RPS6KB1: variants seen among roughly 807,000 people sequenced by gnomAD.
RPS6KB1 encodes ribosomal protein S6 kinase B1, also known as ribosomal protein S6 kinase beta-1.
Under a neutral mutation model 70.2 loss-of-function variants are expected in RPS6KB1, and 12 were observed. The observed-to-expected ratio is 0.17, with a 90% CI of 0.11 to 0.28. RPS6KB1 has a LOEUF of 0.28. RPS6KB1 is among the 10% of genes least tolerant of loss of function. The probability of loss-of-function intolerance (pLI) is 1.00; values close to 1 mark genes in which losing one functional copy is unlikely to be tolerated. For missense variants in RPS6KB1, 270 were observed against 646.6 expected, an observed-to-expected ratio of 0.42 and a Z score of 6.32; for synonymous variants, 175 against 211.2, an observed-to-expected ratio of 0.83 and a Z score of 1.49.
Position 59,893,162 on chromosome 17 carries a change from GT to G in RPS6KB1, c.-22del. On this transcript the variant is annotated 5_prime_UTR_variant, in exon 1 of 15. Coordinates refer to ENST00000225577, the MANE Select transcript of RPS6KB1 (RefSeq NM_003161.4). This position sits in a 1 kb window ranked among gnomAD's most constrained non-coding sequence, Gnocchi z 4.1. ...GCCGGTGATGGCGGCAGCGGCTGTG[GT>G]GGCTGCGGCGGGTCCGGGCCCATGA... is the stretch of plus-strand genomic sequence containing the variant. 6.2e-7 allele frequency: 1 copy of G among 1,601,558 alleles called. No homozygotes were observed. Among genetic ancestry groups the G allele is most frequent in the Non-Finnish European group, 8.5e-7 (1 of 1,175,004 alleles).
Position 59,946,713 on chromosome 17 carries a change from G to A in RPS6KB1, c.1503G>A (p.Pro501=), listed in dbSNP as rs143055403. The change falls in exon 15 of 15, where the codon CCG becomes CCA. Residue 501 remains proline (P), a synonymous_variant. Transcript: ENST00000225577. This position sits in a 1 kb window ranked among gnomAD's most constrained non-coding sequence, Gnocchi z 4.2. ...EASAPLPIRQ[P]NSGPYKKQAF... ...CGGCACCACTTCCAATACGACAGCC[G>A]AACTCTGGGCCATACAAAAAACAAG... The A allele has an allele frequency of 1.1e-4, 172 of 1,614,058 alleles. No individual in the cohort carries two copies. The African/African-American group carries it at 1.4e-3, about 13-fold the overall frequency.
intron 4 of RPS6KB1, among the ~76,000 whole-genome samples, chr17:59,922,864 ATTTG>A (rs2043359035): frequency 7.6e-6 from 1 of 131,240 alleles, no homozygotes; most frequent in Non-Finnish European, 1.6e-5. Context: ...TTTTAAAAAA[ATTTG>A]TTTGTTTTTT....
At chr17:59,942,736 G>A (rs1299283159) in intron 13 of RPS6KB1, among the ~76,000 whole-genome samples, 2 of 151,980 alleles carry the variant, frequency 1.3e-5, no homozygotes, top group Non-Finnish European at 2.9e-5. Context: ...CATGGAGTTG[G>A]GGCATGGTGG....
intron 1 of RPS6KB1, among the ~76,000 whole-genome samples, chr17:59,908,051 T>C (rs2042372528): frequency 1.3e-5 from 2 of 152,168 alleles, no homozygotes; most frequent in Admixed American, 6.6e-5. Context: ...TACCCTGGAC[T>C]AGTTGTGGGT....
intron 4 of RPS6KB1, among the ~76,000 whole-genome samples, chr17:59,916,124 G>A (rs1414263946): frequency 3.4e-5 from 5 of 146,514 alleles, no homozygotes; most frequent in East Asian, 4.1e-4. Flanking sequence ...TTTTTTAGAC[G>A]GAGCCTCACT....
intron 5 of RPS6KB1, 113 bp downstream of exon 5, chr17:59,926,695 A>G: frequency 1.2e-6 from 1 of 850,220 alleles, no homozygotes; most frequent in Non-Finnish European, 1.9e-6. Flanking sequence ...AGTGCTTAAA[A>G]TTGATGAGTA....
intron 12 of RPS6KB1, among the ~76,000 whole-genome samples, chr17:59,939,524 C>T (rs528489188): frequency 2.0e-5 from 3 of 148,284 alleles, no homozygotes; most frequent in African/African-American, 7.3e-5. Flanking sequence ...AAAAGCAATC[C>T]ACCTGCCTCT....
rs2042576136 is a variant in RPS6KB1 at position 59,910,620 on chromosome 17, A to C, written c.191+9A>C. ...GTTGGACCATATGAACTGTAAGTTT[A>C]TATGAAGAGATTTTCATTGTGTTGT... On this transcript the variant is annotated intron_variant, in intron 2 of 14. Coordinates refer to ENST00000225577, the MANE Select transcript of RPS6KB1 (RefSeq NM_003161.4). 2.6e-6 allele frequency: 4 copies of C among 1,545,828 alleles called. No individual in the cohort carries two copies.
At chr17:59,939,678 G>A (rs1157979045) in intron 12 of RPS6KB1, among the ~76,000 whole-genome samples, 2 of 152,174 alleles carry the variant, frequency 1.3e-5, no homozygotes, top group Non-Finnish European at 2.9e-5. Context: ...CTTTTGACAT[G>A]ACCACATGGT....
Position 59,934,095 on chromosome 17 carries a change from G to A in RPS6KB1, c.689-75G>A. 1 of 964,404 alleles carries A rather than the reference G, an allele frequency of 1.0e-6. No individual in the cohort carries two copies. 59.7% of individuals were successfully genotyped at this position (964,404 alleles called of 1,614,324 possible). A position where few individuals can be genotyped will look rare whatever the true frequency, so the allele number is the denominator to read the frequency against. On this transcript the variant is annotated intron_variant, in intron 7 of 14. Coordinates refer to ENST00000225577, the MANE Select transcript of RPS6KB1 (RefSeq NM_003161.4). This position sits in a 1 kb window ranked among gnomAD's most constrained non-coding sequence, Gnocchi z 4.8. ...AAGTTAAATGGAAGGATAGATTAAA[G>A]TATTATGTGACATGTTCAAACACTG...
rs963456602 is a variant in RPS6KB1 at position 59,893,726 on chromosome 17, G to A, written c.141+401G>A. 2 of 978,980 alleles carry A rather than the reference G, an allele frequency of 2.0e-6. No individual in the cohort carries two copies. Among genetic ancestry groups the A allele is most frequent in the African/African-American group, 3.5e-5 (2 of 57,060 alleles). The allele number at this position is 978,980 out of a possible 1,614,324, so 60.6% of individuals were successfully genotyped here. On this transcript the variant is annotated intron_variant, in intron 1 of 14. Transcript: ENST00000225577. This position sits in a 1 kb window ranked among gnomAD's most constrained non-coding sequence, Gnocchi z 4.1. ...TGTGGAGGGTTTCCCTTCGAGTCTA[G>A]AATTTCAAGTATTGAATCTTCAGAC...
intron 2 of RPS6KB1, 117 bp from the exon 3 acceptor site, chr17:59,912,567 G>T (rs1183274834): frequency 9.9e-7 from 1 of 1,012,474 alleles, no homozygotes; most frequent in Admixed American, 2.7e-5. Flanking sequence ...TTGGTGTCAT[G>T]TACTTTTTTA....
At position 59,912,637 on chromosome 17, in the gene RPS6KB1, A is replaced by G. The variant is rs1015010809; in HGVS notation, c.192-47A>G. 2 of 1,593,678 alleles carry G rather than the reference A, an allele frequency of 1.3e-6. 1 individual carries two copies. The highest frequency in any genetic ancestry group is 2.2e-5 in the South Asian group (2 of 89,482). ...TTTTTCTTGACTATATGCTGAAAGT[A>G]ATTTAACTTTTTGCAAATTTATTTT... On this transcript the variant is annotated intron_variant, in intron 2 of 14. Transcript: ENST00000225577.
At chr17:59,938,184 T>G (rs426270) in intron 12 of RPS6KB1, among the ~76,000 whole-genome samples, 32,501 of 106,714 alleles carry the variant, frequency 0.3, 4,542 homozygotes, top group East Asian at 0.36. Flanking sequence ...TTTTTTTTTT[T>G]GGGGGGGGGA....
chr17:59,931,521 TTGGTGCA>T, intron 6 of RPS6KB1, 94 bp from the exon 7 acceptor site: 3 of 868,048 alleles, frequency 3.5e-6, no homozygotes, highest in Non-Finnish European at 5.7e-6. Context: ...AATTTGGTCT[TTGGTGCA>T]TGTCTGTTTC....
rs568198178 is a variant in RPS6KB1, at chr17:59,936,653, A to T, written c.1119+112A>T. On this transcript the variant is annotated intron_variant, in intron 12 of 14. Transcript: ENST00000225577. ...TTGAGGCCAGGAGTTCAAGACCAGC[A>T]TGGGCAACATAACAAGACTCCATAT... 35 of 830,908 alleles carry T rather than the reference A, an allele frequency of 4.2e-5. No individual in the cohort carries two copies. The East Asian group carries it at 8.2e-4, about 19-fold the overall frequency. 51.5% of individuals were successfully genotyped at this position (830,908 alleles called of 1,614,324 possible).
intron 4 of RPS6KB1, among the ~76,000 whole-genome samples, chr17:59,920,346 G>A (rs1274351538): frequency 6.6e-6 from 1 of 151,972 alleles, no homozygotes; most frequent in Non-Finnish European, 1.5e-5. Context: ...AAGTTCCAGT[G>A]GAGAACTACT....
chr17:59,916,176 CT>C (rs935151551), intron 4 of RPS6KB1, among the ~76,000 whole-genome samples: 34 of 152,204 alleles, frequency 2.2e-4, no homozygotes, highest in African/African-American at 7.7e-4. Context: ...TCTCAGCTCA[CT>C]GCAACCTCCA....
intron 1 of RPS6KB1, chr17:59,906,925 C>T (rs552238410): frequency 6.6e-6 from 1 of 151,540 alleles, no homozygotes; most frequent in South Asian, 2.1e-4. Context: ...AACTCCTGAC[C>T]TCAGGTGATC....
Sources: allele counts gnomAD v4.1 joint callset (sites outside exome capture counted in the v4.1 genomes callset), GRCh38; gene constraint gnomAD v4.1.1; non-coding constraint Gnocchi (gnomAD v3.1); transcripts MANE v1.5; gene names NCBI Gene and HGNC (gene_info 2026-07-23, HGNC 2026-07-21).